The following PLXDC2 variants were observed in gnomAD, a reference collection of about 807,000 sequenced individuals.
The protein encoded by PLXDC2 is plexin domain containing 2, also known as plexin domain-containing protein 2.
A neutral mutation model predicts 68.9 loss-of-function variants in PLXDC2; 40 were observed. That is an observed-to-expected ratio of 0.58 (90% CI 0.45 to 0.76). The LOEUF (loss-of-function observed/expected upper bound fraction) is 0.76, where lower values mean the gene tolerates loss of function less well. Among genes scored for constraint, PLXDC2 ranks in the 30% least tolerant of loss-of-function variants. PLXDC2 has a pLI of 0.00. For synonymous variants in PLXDC2, 243 were observed against 234.2 expected (o/e 1.04, Z -0.34); for missense variants, 644 against 661.9 (o/e 0.97, Z 0.30).
intron 2 of PLXDC2, among the ~76,000 whole-genome samples, chr10:20,007,411 A>G (rs1835044211): frequency 6.6e-6 from 1 of 152,234 alleles, no homozygotes; most frequent in South Asian, 2.1e-4. Context: ...ATGCTAGACC[A>G]GATATGTGGT....
rs779416455 is a variant in PLXDC2, at chr10:20,164,476, C to G, written c.792C>G (p.Val264=). ...RIIFGYKEIP[V]LVTQISSTNH... is the part of the protein sequence containing the mutation. Reference sequence around the variant, plus strand: ...GCTTTGTTTTTTTCCAGATTCCTGTCTTGGTCACACAGATAAGTTCAACCA... The same window carrying G: ...GCTTTGTTTTTTTCCAGATTCCTGTGTTGGTCACACAGATAAGTTCAACCA... The change falls in exon 7 of 14, where the codon GTC becomes GTG. Residue 264 remains valine (V), a synonymous_variant. Transcript: ENST00000377252. The G allele has an allele frequency of 1.2e-5, 19 of 1,612,414 alleles. No individual in the cohort carries two copies. Among genetic ancestry groups the G allele is most frequent in the Non-Finnish European group, 1.6e-5 (19 of 1,178,700 alleles).
At chr10:19,977,260 T>C (rs886595906) in intron 1 of PLXDC2, among the ~76,000 whole-genome samples, 7 of 152,240 alleles carry the variant, frequency 4.6e-5, no homozygotes, top group Non-Finnish European at 4.4e-5. Context: ...TCCCACTAAA[T>C]GTATGGACTC....
chr10:19,954,740 T>C (rs530343888), intron 1 of PLXDC2, among the ~76,000 whole-genome samples: 204 of 152,298 alleles, frequency 1.3e-3, no homozygotes, highest in Admixed American at 2.6e-3. Flanking sequence ...CATGATGAAA[T>C]TGTTTCAAAC....
chr10:20,168,018 C>A (rs1480429946), intron 7 of PLXDC2, among the ~76,000 whole-genome samples: 1 of 151,972 alleles, frequency 6.6e-6, no homozygotes, highest in East Asian at 1.9e-4. Context: ...GCTTTATTTT[C>A]TTTCATAAAA....
rs1031341141 is a variant in PLXDC2 at position 20,268,169 on chromosome 10, T to G, written c.1474-11534T>G. Among the ~76,000 whole-genome samples, 7 of 152,194 alleles carry G rather than the reference T, an allele frequency of 4.6e-5. No homozygotes were observed. The East Asian group carries it at 1.3e-3, about 29-fold the overall frequency. Reference sequence around the variant, plus strand: ...TTTTATTTTCCTGCTACACTAATACTTTATTGTTCCTTTTTTCAGGGTCAT... The same window carrying G: ...TTTTATTTTCCTGCTACACTAATACGTTATTGTTCCTTTTTTCAGGGTCAT... On this transcript the variant is annotated intron_variant, in intron 13 of 13. Coordinates refer to ENST00000377252, the MANE Select transcript of PLXDC2 (RefSeq NM_032812.9).
chr10:19,939,590 C>A (rs1833782736), intron 1 of PLXDC2, among the ~76,000 whole-genome samples: 1 of 152,152 alleles, frequency 6.6e-6, no homozygotes, highest in African/African-American at 2.4e-5. Flanking sequence ...GATTTTGTAA[C>A]TGAAAGCTCA....
intron 2 of PLXDC2, among the ~76,000 whole-genome samples, chr10:20,041,835 A>G (rs1252884352): frequency 6.6e-6 from 1 of 152,156 alleles, no homozygotes; most frequent in African/African-American, 2.4e-5. Context: ...GTATCCTCAC[A>G]TGAGAGAAAA....
chr10:20,080,561 A>G (rs1470948849), intron 4 of PLXDC2, among the ~76,000 whole-genome samples: 1 of 152,166 alleles, frequency 6.6e-6, no homozygotes, highest in African/African-American at 2.4e-5. Flanking sequence ...TTGGAGAAAG[A>G]TGAAGGCCAG....
chr10:19,978,029 C>T (rs1440358240), intron 1 of PLXDC2, among the ~76,000 whole-genome samples: 3 of 152,192 alleles, frequency 2.0e-5, no homozygotes, highest in Non-Finnish European at 4.4e-5. Context: ...TCTTAATCCT[C>T]CTAAATTTCC....
intron 2 of PLXDC2, among the ~76,000 whole-genome samples, chr10:20,019,441 A>T (rs1835266192): frequency 6.6e-6 from 1 of 152,088 alleles, no homozygotes. Context: ...GTTCCTGGTA[A>T]TTGATGCCTG....
At chr10:20,276,736 T>C (rs1485990750) in intron 13 of PLXDC2, among the ~76,000 whole-genome samples, 1 of 152,082 alleles carries the variant, frequency 6.6e-6, no homozygotes, top group African/African-American at 2.4e-5. Context: ...TTTGGAACTG[T>C]CTAGGCCTTG....
intron 1 of PLXDC2, among the ~76,000 whole-genome samples, chr10:19,966,876 A>G (rs1834272387): frequency 6.6e-6 from 1 of 152,108 alleles, no homozygotes; most frequent in Admixed American, 6.5e-5. Flanking sequence ...AGGGGGAAAC[A>G]CTGGGGAGAG....
At chr10:20,097,439 A>G (rs189884876) in intron 4 of PLXDC2, among the ~76,000 whole-genome samples, 35 of 152,234 alleles carry the variant, frequency 2.3e-4, no homozygotes, top group African/African-American at 8.2e-4. Flanking sequence ...AGATACTATT[A>G]CTATTTTAAC....
In PLXDC2 at chr10:20,147,664, G is replaced by A. The variant is rs537345144; in HGVS notation, c.665-120G>A. On this transcript the variant is annotated intron_variant, in intron 5 of 13. Transcript: ENST00000377252. ...AGAATTTGATTAACCACATAAAATC[G>A]AAATAGTACAACTACCAGATTTGAA... The A allele has an allele frequency of 1.4e-5, 8 of 592,072 alleles. No homozygotes were observed. In the South Asian group the frequency reaches 2.1e-4, roughly 16 times the overall value. 36.7% of individuals were successfully genotyped at this position (592,072 alleles called of 1,614,324 possible).
chr10:20,209,965 A>G (rs1325792966), intron 9 of PLXDC2, among the ~76,000 whole-genome samples: 1 of 152,140 alleles, frequency 6.6e-6, no homozygotes, highest in African/African-American at 2.4e-5. Flanking sequence ...GTGTCCATGA[A>G]ATCTTCACAA....
At chr10:20,247,327 AT>A (rs1835612190) in intron 13 of PLXDC2, among the ~76,000 whole-genome samples, 1 of 151,822 alleles carries the variant, frequency 6.6e-6, no homozygotes, top group Admixed American at 6.6e-5. Flanking sequence ...AAAGAAAAAA[AT>A]GAATGGGGCA....
intron 4 of PLXDC2, among the ~76,000 whole-genome samples, chr10:20,102,211 C>A (rs1428592966): frequency 1.3e-5 from 2 of 152,182 alleles, no homozygotes; most frequent in African/African-American, 4.8e-5. Flanking sequence ...AGTTTTCTGT[C>A]TGCTGTAATA....
In PLXDC2 at chr10:20,194,510, C is replaced by T. The variant is rs375524088; in HGVS notation, c.1061+17101C>T. Among the ~76,000 whole-genome samples the T allele has an allele frequency of 1.8e-4, 27 of 152,078 alleles. No homozygotes were observed. The East Asian group carries it at 2.3e-3, about 13-fold the overall frequency. ...TAGTAGAAACTAATATAGATTACCA[C>T]ATATTTATTAAAAGATATTCTAATT... On this transcript the variant is annotated intron_variant, in intron 9 of 13. Transcript: ENST00000377252.
intron 4 of PLXDC2, among the ~76,000 whole-genome samples, chr10:20,113,169 C>CAT (rs748679916): frequency 4.6e-5 from 7 of 152,320 alleles, no homozygotes; most frequent in Non-Finnish European, 8.8e-5. Context: ...GCAAAGACAA[C>CAT]TGCCTCAACA....
Sources: allele counts gnomAD v4.1 joint callset (sites outside exome capture counted in the v4.1 genomes callset), GRCh38; gene constraint gnomAD v4.1.1; transcripts MANE v1.5; gene names NCBI Gene and HGNC (gene_info 2026-07-23, HGNC 2026-07-21).